Variants in RBFOX1 observed in about 807,000 individuals in gnomAD.
RBFOX1 encodes RNA binding protein fox-1 homolog 1.
In RBFOX1, 8 loss-of-function variants were observed where a neutral mutation model predicts 57.7. That is an observed-to-expected ratio of 0.14 (90% CI 0.08 to 0.25). The LOEUF is 0.25. RBFOX1 is among the 10% of genes least tolerant of loss of function. The pLI, the probability that RBFOX1 is intolerant of heterozygous loss-of-function variation, is 1.00. For missense variants in RBFOX1, 611 were observed against 548.5 expected, an observed-to-expected ratio of 1.11 and a Z score of -1.14; for synonymous variants, 326 against 222.4, an observed-to-expected ratio of 1.47 and a Z score of -4.15.
intron 1 of RBFOX1, among the ~76,000 whole-genome samples, chr16:6,036,722 G>A (rs1244776303): frequency 6.6e-6 from 1 of 152,170 alleles, no homozygotes; most frequent in African/African-American, 2.4e-5. Flanking sequence ...TCTGAGAAAG[G>A]AATTTTTAAC....
intron 3 of RBFOX1, among the ~76,000 whole-genome samples, chr16:5,679,932 T>A (rs1482737227): frequency 6.6e-6 from 1 of 152,254 alleles, no homozygotes; most frequent in Non-Finnish European, 1.5e-5. Flanking sequence ...CTATTCATGC[T>A]TCCTGTCATT....
At chr16:6,469,392 G>A (rs1475269552) in intron 2 of RBFOX1, among the ~76,000 whole-genome samples, 2 of 152,108 alleles carry the variant, frequency 1.3e-5, no homozygotes, top group African/African-American at 4.8e-5. Context: ...ATTTCTTTAA[G>A]AGACCCACAT....
intron 4 of RBFOX1, among the ~76,000 whole-genome samples, chr16:5,868,286 C>T (rs192472331): frequency 6.6e-5 from 10 of 152,322 alleles, no homozygotes; most frequent in Admixed American, 5.9e-4. Context: ...TCCAGTGTTG[C>T]ATTATTGGAA....
chr16:6,722,307 T>A (rs2066169145), intron 3 of RBFOX1, among the ~76,000 whole-genome samples: 1 of 136,900 alleles, frequency 7.3e-6, no homozygotes, highest in Non-Finnish European at 1.6e-5. Flanking sequence ...CTCGCCAACT[T>A]TTGTTATTTT....
At chr16:6,752,550 T>C (rs1424083021) in intron 3 of RBFOX1, among the ~76,000 whole-genome samples, 2 of 152,326 alleles carry the variant, frequency 1.3e-5, no homozygotes, top group Middle Eastern at 3.4e-3. Context: ...GTTAGCGCAT[T>C]CCTAAAGAAT....
intron 4 of RBFOX1, among the ~76,000 whole-genome samples, chr16:7,148,680 C>G (rs776856349): frequency 6.6e-6 from 1 of 152,186 alleles, no homozygotes; most frequent in African/African-American, 2.4e-5. Flanking sequence ...ATGTGCCGCT[C>G]TACTCTCTAC....
intron 4 of RBFOX1, among the ~76,000 whole-genome samples, chr16:7,385,796 C>G (rs575916383): frequency 2.0e-5 from 3 of 152,150 alleles, no homozygotes; most frequent in Admixed American, 6.5e-5. Context: ...CTGTGTCACC[C>G]AGGCTGGAGT....
At chr16:7,476,655 G>A (rs1013596804) in intron 4 of RBFOX1, among the ~76,000 whole-genome samples, 4 of 152,008 alleles carry the variant, frequency 2.6e-5, no homozygotes, top group Non-Finnish European at 5.9e-5. Flanking sequence ...TCACCTTTGG[G>A]GCACATTCTA....
At chr16:6,683,423 T>A (rs28433861) in intron 3 of RBFOX1, among the ~76,000 whole-genome samples, 44,080 of 151,992 alleles carry the variant, frequency 0.29, 7,251 homozygotes, top group East Asian at 0.54. Flanking sequence ...GCTAATGTAT[T>A]TGGGGAGGAT....
intron 3 of RBFOX1, among the ~76,000 whole-genome samples, chr16:6,743,251 C>T (rs1254473331): frequency 2.0e-5 from 3 of 151,768 alleles, no homozygotes; most frequent in Non-Finnish European, 4.4e-5. Flanking sequence ...TGAAACAAGA[C>T]ACAAAAAAGA....
rs200633535 is a variant in RBFOX1 at position 6,721,445 on chromosome 16, AAAC to A, written c.-16+66807_-16+66809del. Among the ~76,000 whole-genome samples, 1,282 of 152,328 alleles carry A rather than the reference AAAC, an allele frequency of 8.4e-3. 26 individuals carry two copies. Among genetic ancestry groups the A allele is most frequent in the African/African-American group, 0.029 (1,197 of 41,566 alleles). On this transcript the variant is annotated intron_variant, in intron 3 of 15. Coordinates refer to ENST00000550418, the MANE Select transcript of RBFOX1 (RefSeq NM_018723.4). ...GGGACAGAGCGAGACTCTGTCTCAA[AAAC>A]AACAACAACAAAACCGTGTTAACCA...
intron 3 of RBFOX1, among the ~76,000 whole-genome samples, chr16:5,647,972 G>C (rs1287353522): frequency 1.3e-5 from 2 of 152,156 alleles, no homozygotes; most frequent in African/African-American, 4.8e-5. Context: ...ATATTCTCCT[G>C]CCTCAGCCTC....
rs1567331467 is a variant in RBFOX1 at position 6,806,838 on chromosome 16, T to TATATA, written c.-16+152188_-16+152189insATATA. 1.0e-3 allele frequency among the ~76,000 whole-genome samples: 49 copies of TATATA among 48,086 alleles called. No homozygotes were observed. The South Asian group carries it at 0.014, about 14-fold the overall frequency. 31.5% of individuals were successfully genotyped at this position (48,086 alleles called of 152,430 possible). On this transcript the variant is annotated intron_variant, in intron 3 of 15. Coordinates refer to ENST00000550418, the MANE Select transcript of RBFOX1 (RefSeq NM_018723.4). ...TATAAATATATATATATATATATAT[T>TATATA]TTTTTTTTTTTTTGAGAGAAAGTCT... is the stretch of plus-strand genomic sequence containing the variant.
intron 4 of RBFOX1, among the ~76,000 whole-genome samples, chr16:7,161,919 T>G (rs775691169): frequency 1.3e-5 from 2 of 152,220 alleles, no homozygotes; most frequent in African/African-American, 4.8e-5. Flanking sequence ...GTAAACACAC[T>G]CAAAGGTTTT....
intron 2 of RBFOX1, among the ~76,000 whole-genome samples, chr16:6,573,450 C>G (rs1470006410): frequency 6.6e-6 from 1 of 152,192 alleles, no homozygotes; most frequent in African/African-American, 2.4e-5. Context: ...CTGCCATTCA[C>G]TCAGATCATA....
rs558392169 is a variant in RBFOX1 at position 5,670,013 on chromosome 16, T to A, written c.318+71052T>A. Among the ~76,000 whole-genome samples, 11 of 152,298 alleles carry A rather than the reference T, an allele frequency of 7.2e-5. No homozygotes were observed. In the South Asian group the frequency reaches 1.9e-3, roughly 26 times the overall value. On this transcript the variant is annotated intron_variant, in intron 3 of 19. Coordinates refer to the RBFOX1 transcript ENST00000641259. ...AGTATTTTTTATCCATAAAAAGATA[T>A]AGAGCACTGACATGAGCTAAAATGT...
chr16:7,183,021 C>A lies in RBFOX1; in HGVS notation c.27+130923C>A, dbSNP rs886815755. ...GCCTTATTTAGAACAATGCCTGACA[C>A]ATAATGGGCACACAACAATATTTTT... On this transcript the variant is annotated intron_variant, in intron 4 of 15. Transcript: ENST00000550418. Among the ~76,000 whole-genome samples, 3 of 152,298 alleles carry A rather than the reference C, an allele frequency of 2.0e-5. No individual in the cohort carries two copies. The South Asian group carries it at 6.2e-4, about 32-fold the overall frequency.
intron 4 of RBFOX1, among the ~76,000 whole-genome samples, chr16:7,392,722 T>A (rs2098056883): frequency 6.6e-6 from 1 of 152,166 alleles, no homozygotes; most frequent in Non-Finnish European, 1.5e-5. Context: ...AACTGAAAAC[T>A]TCAGGAGTGG....
rs2097088089 is a variant in RBFOX1, at chr16:7,349,517, A to C, written c.28-168630A>C. On this transcript the variant is annotated intron_variant, in intron 4 of 15. Transcript: ENST00000550418. ...CAGTCCTTGTCAGAATGTGCACAGA[A>C]AATTTAAAAGACTTTTTTTTTTCCA... is the stretch of plus-strand genomic sequence containing the variant. Among the ~76,000 whole-genome samples, 3 of 134,242 alleles carry C rather than the reference A, an allele frequency of 2.2e-5. No homozygotes were observed. The Admixed American group carries it at 2.5e-4, about 11-fold the overall frequency. The allele number at this position is 134,242 out of a possible 152,430, so 88.1% of individuals were successfully genotyped here.
Sources: gnomAD v4.1 joint callset for allele counts (sites outside exome capture counted in the v4.1 genomes callset) on GRCh38, gnomAD v4.1.1 for gene constraint, MANE v1.5 for transcripts, NCBI Gene and HGNC (gene_info 2026-07-23, HGNC 2026-07-21) for gene names.